The following FAM149A variants were observed in gnomAD, a reference collection of about 807,000 sequenced individuals.
FAM149A encodes the protein family with sequence similarity 149 member A, also known as protein FAM149A.
FAM149A carries 71 observed loss-of-function variants against 78.2 expected under a neutral mutation model. The observed-to-expected ratio is 0.91, with a 90% CI of 0.75 to 1.11. The LOEUF is 1.11. Ranked by LOEUF, FAM149A falls within the 50% of genes least tolerant of loss-of-function variation. The pLI is 0.00. For missense variants in FAM149A, 1,036 were observed against 971.0 expected, an observed-to-expected ratio of 1.07 and a Z score of -0.89; for synonymous variants, 446 against 410.5, an observed-to-expected ratio of 1.09 and a Z score of -1.04.
At position 186,172,536 on chromosome 4, in the gene FAM149A, A is replaced by T. The variant is rs1451590369; in HGVS notation, c.*549A>T. 2 of 112,264 alleles carry T rather than the reference A, an allele frequency of 1.8e-5. 1 individual carries two copies. The highest frequency in any genetic ancestry group is 5.6e-5 in the African/African-American group (2 of 35,728). 7.0% of individuals were successfully genotyped at this position (112,264 alleles called of 1,614,324 possible). ...GCTTCCGCCATGAACCTCTTTGAGA[A>T]ATGTCAGTGGCAAAATCTCCCAAGC... On this transcript the variant is annotated 3_prime_UTR_variant, in exon 14 of 14. Coordinates refer to ENST00000389354, the MANE Select transcript of FAM149A (RefSeq NM_001367768.3).
intron 10 of FAM149A, among the ~76,000 whole-genome samples, chr4:186,165,115 A>G (rs1164689438): frequency 6.6e-6 from 1 of 151,426 alleles, no homozygotes; most frequent in Non-Finnish European, 1.5e-5. Flanking sequence ...GCGTCTTCTC[A>G]CCTCCATCCT....
chr4:186,159,526 C>T (rs1337876028), intron 8 of FAM149A, among the ~76,000 whole-genome samples: 4 of 152,002 alleles, frequency 2.6e-5, no homozygotes, highest in Non-Finnish European at 5.9e-5. Flanking sequence ...GATTAGGAAT[C>T]GAGAGGCCTG....
At chr4:186,140,795 A>C (rs949870377) in intron 1 of FAM149A, among the ~76,000 whole-genome samples, 1 of 152,250 alleles carries the variant, frequency 6.6e-6, no homozygotes, top group Non-Finnish European at 1.5e-5. Context: ...CGTATGGACT[A>C]AGTACAGGTA....
At chr4:186,113,267 G>T (rs1429844596) in intron 1 of FAM149A, among the ~76,000 whole-genome samples, 1 of 111,390 alleles carries the variant, frequency 9.0e-6, no homozygotes, top group Non-Finnish European at 1.8e-5. Context: ...TTTTTATTGT[G>T]TCTATTTGAT....
chr4:186,122,845 T>C (rs2099316664), intron 1 of FAM149A: 1 of 607,666 alleles, frequency 1.6e-6, no homozygotes, highest in Non-Finnish European at 2.1e-6. Flanking sequence ...GCCTCCTTTT[T>C]TGGAGACTAA....
chr4:186,106,401 T>C (rs946992518), intron 1 of FAM149A, among the ~76,000 whole-genome samples: 2 of 152,202 alleles, frequency 1.3e-5, no homozygotes, highest in African/African-American at 4.8e-5. Flanking sequence ...TGAATTTTAA[T>C]TTTTAGAGTG....
intron 1 of FAM149A, among the ~76,000 whole-genome samples, chr4:186,120,293 C>T (rs1372332153): frequency 6.6e-6 from 1 of 152,118 alleles, no homozygotes; most frequent in South Asian, 2.1e-4. Context: ...AAGAAATTGT[C>T]TAATTCCACC....
intron 10 of FAM149A, 115 bp downstream of exon 10, chr4:186,163,748 C>G: frequency 2.6e-6 from 2 of 756,528 alleles, no homozygotes; most frequent in Non-Finnish European, 4.5e-6. Flanking sequence ...TACATAGATG[C>G]TTTTCTAATG....
chr4:186,169,980 T>G (rs1735389945), intron 13 of FAM149A: 3 of 971,190 alleles, frequency 3.1e-6, no homozygotes, highest in Non-Finnish European at 3.7e-6. Context: ...TTTCCCCTCC[T>G]TAACCATTTT....
chr4:186,117,031 C>T (rs1290214678), intron 1 of FAM149A, among the ~76,000 whole-genome samples: 1 of 152,092 alleles, frequency 6.6e-6, no homozygotes, highest in Non-Finnish European at 1.5e-5. Flanking sequence ...GGCTACCTAA[C>T]CTCTTTAAGC....
chr4:186,149,884 G>A (rs1418180285), intron 3 of FAM149A, among the ~76,000 whole-genome samples, 180 bp downstream of exon 3: 1 of 152,188 alleles, frequency 6.6e-6, no homozygotes, highest in Non-Finnish European at 1.5e-5. Flanking sequence ...GAACCGTGGA[G>A]GAAAACAGAA....
intron 13 of FAM149A, among the ~76,000 whole-genome samples, chr4:186,168,959 G>A (rs1735300826): frequency 6.6e-6 from 1 of 152,170 alleles, no homozygotes; most frequent in Non-Finnish European, 1.5e-5. Flanking sequence ...GAGGGAGTGA[G>A]GGCTGACAGA....
chr4:186,146,929 T>G, intron 1 of FAM149A: 2 of 985,482 alleles, frequency 2.0e-6, no homozygotes, highest in Non-Finnish European at 2.4e-6. Context: ...ATCTTTTGTG[T>G]GACGAGTGTT....
At chr4:186,157,952 T>C in intron 8 of FAM149A, 1 of 1,524,042 alleles carries the variant, frequency 6.6e-7, no homozygotes, top group South Asian at 1.2e-5. Flanking sequence ...TCAAGTTCCT[T>C]GCGGTAGGAG....
intron 1 of FAM149A, chr4:186,109,379 C>T: frequency 2.7e-6 from 2 of 731,954 alleles, no homozygotes; most frequent in Non-Finnish European, 3.3e-6. Context: ...GCAGTGGCTG[C>T]TTGAAGGGCC....
chr4:186,161,662 A>G (rs2126523357), intron 8 of FAM149A, among the ~76,000 whole-genome samples: 1 of 152,350 alleles, frequency 6.6e-6, no homozygotes, highest in Admixed American at 6.5e-5. Flanking sequence ...TTTTTTAAAT[A>G]GCTGTTTTGT....
At chr4:186,149,463 A>T (rs1358347449) in intron 2 of FAM149A, 103 bp from the exon 3 acceptor site, 3 of 1,163,066 alleles carry the variant, frequency 2.6e-6, no homozygotes, top group Non-Finnish European at 3.3e-6. Flanking sequence ...TAATAAATAT[A>T]TTTAATGAAA....
intron 1 of FAM149A, among the ~76,000 whole-genome samples, chr4:186,127,987 CTTT>C (rs61637634): frequency 3.2e-5 from 2 of 62,388 alleles, no homozygotes; most frequent in African/African-American, 1.4e-4. Flanking sequence ...CATGCCCGGC[CTTT>C]TTTTTTTTTT....
intron 1 of FAM149A, among the ~76,000 whole-genome samples, chr4:186,120,964 C>T (rs2099315842): frequency 1.4e-5 from 2 of 147,798 alleles, no homozygotes; most frequent in Admixed American, 1.4e-4. Context: ...CGCCATTCTC[C>T]TGCCCCAGCC....
Sources: allele counts gnomAD v4.1 joint callset (sites outside exome capture counted in the v4.1 genomes callset), GRCh38; gene constraint gnomAD v4.1.1; transcripts MANE v1.5; gene names NCBI Gene and HGNC (gene_info 2026-07-23, HGNC 2026-07-21).